Variants in RXYLT1 observed in about 807,000 individuals in gnomAD.
The protein encoded by RXYLT1 is ribitol xylosyltransferase 1.
Under a neutral mutation model 43.5 loss-of-function variants are expected in RXYLT1, and 41 were observed. The observed-to-expected ratio is 0.94, with a 90% CI of 0.73 to 1.22. RXYLT1 has a LOEUF of 1.22. Among genes scored for constraint, RXYLT1 ranks in the 50% most tolerant of loss-of-function variants. The pLI, the probability that RXYLT1 is intolerant of heterozygous loss-of-function variation, is 0.00. For synonymous variants in RXYLT1, 166 were observed against 194.4 expected, an observed-to-expected ratio of 0.85 and a Z score of 1.21; for missense variants, 514 against 532.0, an observed-to-expected ratio of 0.97 and a Z score of 0.33.
chr12:63,782,719 T>TA, intron 2 of RXYLT1: 1 of 420,790 alleles, frequency 2.4e-6, no homozygotes, highest in Non-Finnish European at 4.7e-6. Context: ...GTCACATGTA[T>TA]AATCTCTTCA....
chr12:63,807,348 C>T (rs1238509581), intron 5 of RXYLT1: 1 of 152,274 alleles, frequency 6.6e-6, no homozygotes, highest in Non-Finnish European at 1.5e-5. Context: ...TGCAACTACA[C>T]ATAATTGGAG....
chr12:63,800,399 T>G (rs1285776171), intron 3 of RXYLT1, among the ~76,000 whole-genome samples: 3 of 152,208 alleles, frequency 2.0e-5, no homozygotes, highest in African/African-American at 7.2e-5. Flanking sequence ...ATATTTGTGC[T>G]GAAAATTAGA....
rs1055521793 is a variant in RXYLT1 at position 63,780,701 on chromosome 12, A to G, written c.170-318A>G. Among the ~76,000 whole-genome samples the G allele has an allele frequency of 7.9e-5, 12 of 152,228 alleles. 1 individual carries two copies. The South Asian group carries it at 2.1e-3, about 26-fold the overall frequency. ...GGTTACCTGTATACAATGGATAAAA[A>G]TAATTGCAAAAGTTAAGCTTGTAAC... On this transcript the variant is annotated intron_variant, in intron 1 of 5. Coordinates refer to ENST00000261234, the MANE Select transcript of RXYLT1 (RefSeq NM_014254.3).
chr12:63,787,924 C>T (rs1428963160), intron 3 of RXYLT1, among the ~76,000 whole-genome samples: 1 of 152,154 alleles, frequency 6.6e-6, no homozygotes, highest in Non-Finnish European at 1.5e-5. Flanking sequence ...GCCATCGTGT[C>T]TGGCCAAAAA....
At position 63,808,887 on chromosome 12, in the gene RXYLT1, T is replaced by C. The variant is rs1467834429; in HGVS notation, c.1127T>C (p.Leu376Pro). Reference sequence around the variant, plus strand: ...CACCACGGTGCTCCTCTGCAGTTACTCAAGTCCATGGGTGCTCCCTTTATC... The same window carrying C: ...CACCACGGTGCTCCTCTGCAGTTACCCAAGTCCATGGGTGCTCCCTTTATC... ...SVHHGAPLQL[L>P]KSMGAPFIFI... The change falls in exon 6 of 6, where the codon CTC (leucine) becomes CCC (proline). Residue 376 changes from leucine (L) to proline (P), a missense_variant. Physicochemically the swap from Leu to Pro is moderately conservative, Grantham distance 98. Transcript: ENST00000261234. The C allele has an allele frequency of 6.2e-7, 1 of 1,614,128 alleles. No individual in the cohort carries two copies. Among genetic ancestry groups the C allele is most frequent in the South Asian group, 1.1e-5 (1 of 91,044 alleles).
At chr12:63,781,936 T>C (rs1897693476) in intron 2 of RXYLT1, among the ~76,000 whole-genome samples, 1 of 152,248 alleles carries the variant, frequency 6.6e-6, no homozygotes, top group Non-Finnish European at 1.5e-5. Context: ...CGTTCATACT[T>C]ACATACAAGT....
chr12:63,784,366 TCTC>T (rs1220149854), intron 2 of RXYLT1, among the ~76,000 whole-genome samples: 1 of 152,114 alleles, frequency 6.6e-6, no homozygotes, highest in East Asian at 1.9e-4. Flanking sequence ...GTAACACTGC[TCTC>T]CTCTACTCTC....
intron 3 of RXYLT1, among the ~76,000 whole-genome samples, chr12:63,796,288 G>A (rs921635400): frequency 3.3e-5 from 5 of 152,150 alleles, no homozygotes; most frequent in African/African-American, 1.2e-4. Flanking sequence ...ACAACATCGT[G>A]TCATCCTCAG....
At chr12:63,789,065 A>C (rs1470387162) in intron 3 of RXYLT1, among the ~76,000 whole-genome samples, 1 of 152,160 alleles carries the variant, frequency 6.6e-6, no homozygotes, top group African/African-American at 2.4e-5. Context: ...TACTGGCCCA[A>C]CCAGAAACAG....
intron 3 of RXYLT1, 56 bp from the exon 4 acceptor site, chr12:63,802,035 C>A: frequency 6.9e-7 from 1 of 1,453,996 alleles, no homozygotes; most frequent in Non-Finnish European, 9.3e-7. Flanking sequence ...TCTGATACCA[C>A]ATACCTTTGT....
intron 3 of RXYLT1, among the ~76,000 whole-genome samples, chr12:63,796,761 T>TA (rs1898040391): frequency 6.6e-6 from 1 of 151,902 alleles, no homozygotes; most frequent in South Asian, 2.1e-4. Flanking sequence ...GAAAACCTCA[T>TA]AAAAATCCCC....
intron 2 of RXYLT1, among the ~76,000 whole-genome samples, chr12:63,783,617 G>T (rs755882534): frequency 7.9e-5 from 12 of 152,088 alleles, no homozygotes; most frequent in Non-Finnish European, 1.6e-4. Context: ...GGTTATTCAA[G>T]GCAATCTAAT....
rs751986498 is a variant in RXYLT1, at chr12:63,781,074, T to C, written c.225T>C (p.Asn75=). 2 of 1,608,272 alleles carry C rather than the reference T, an allele frequency of 1.2e-6. No individual in the cohort carries two copies. The highest frequency in any genetic ancestry group is 1.7e-6 in the Non-Finnish European group (2 of 1,177,912). The stretch of plus-strand genomic sequence containing the variant: ...ATCCTTGGGAAGGAGATGAAAAAAA[T>C]GAGCAACAACACAGATTTAAAACTA... ...EWNPWEGDEK[N]EQQHRFKTSL... Residue 75 remains asparagine (N), a synonymous_variant, in exon 2 of 6, where the codon AAT becomes AAC. Transcript: ENST00000261234.
intron 4 of RXYLT1, chr12:63,804,777 C>T (rs1358066681): frequency 6.5e-6 from 1 of 153,322 alleles, no homozygotes; most frequent in Admixed American, 6.5e-5. Context: ...TTCCTCCTGT[C>T]CAACTGAAAC....
intron 3 of RXYLT1, among the ~76,000 whole-genome samples, chr12:63,794,385 T>C (rs907646606): frequency 1.1e-4 from 17 of 152,186 alleles, no homozygotes; most frequent in Non-Finnish European, 2.1e-4. Context: ...CACCAAAATA[T>C]CATTGCTCCC....
At chr12:63,787,278 A>G (rs944964290) in intron 3 of RXYLT1, among the ~76,000 whole-genome samples, 3 of 152,212 alleles carry the variant, frequency 2.0e-5, no homozygotes, top group African/African-American at 7.2e-5. Flanking sequence ...CATTCATAAA[A>G]AGCAACTCCT....
intron 3 of RXYLT1, among the ~76,000 whole-genome samples, chr12:63,801,444 A>C (rs1898156902): frequency 6.6e-6 from 1 of 152,154 alleles, no homozygotes; most frequent in South Asian, 2.1e-4. Flanking sequence ...TATTTTACAG[A>C]GTTCCATGCT....
Position 63,808,846 on chromosome 12 carries a change from T to C in RXYLT1, c.1086T>C (p.Cys362=). 6.2e-7 allele frequency: 1 copy of C among 1,614,126 alleles called. No individual in the cohort carries two copies. Residue 362 remains cysteine, a synonymous_variant, in exon 6 of 6, where the codon TGT becomes TGC. Coordinates refer to ENST00000261234, the MANE Select transcript of RXYLT1 (RefSeq NM_014254.3). The part of the protein sequence containing the change: ...VVEDVMTAGN[C]GNTSVHHGAP... ...AAGACGTGATGACAGCTGGCAACTG[T>C]GGGAATACATCTGTGCACCACGGTG...
At chr12:63,801,974 G>C in intron 3 of RXYLT1, 117 bp from the exon 4 acceptor site, 2 of 970,182 alleles carry the variant, frequency 2.1e-6, no homozygotes, top group Non-Finnish European at 3.0e-6. Flanking sequence ...TTTACTTCTA[G>C]ATAGAATGTG....
Sources: allele counts gnomAD v4.1 joint callset (sites outside exome capture counted in the v4.1 genomes callset), GRCh38; gene constraint gnomAD v4.1.1; transcripts MANE v1.5; gene names NCBI Gene and HGNC (gene_info 2026-07-23, HGNC 2026-07-21).